The following SLIT3 variants were observed in gnomAD, a reference collection of about 807,000 sequenced individuals.
SLIT3 encodes the protein slit homolog 3 protein.
SLIT3 carries 68 observed loss-of-function variants against 184.0 expected under a neutral mutation model. The observed-to-expected ratio is 0.37, with a 90% CI of 0.30 to 0.45. The LOEUF (loss-of-function observed/expected upper bound fraction) is 0.45, where lower values mean the gene tolerates loss of function less well. SLIT3 is among the 20% of genes least tolerant of loss of function. The pLI, the probability that SLIT3 is intolerant of heterozygous loss-of-function variation, is 1.00. For missense variants in SLIT3, 1,707 were observed against 2,026.0 expected (o/e 0.84, Z 3.02); for synonymous variants, 831 against 828.6 (o/e 1.00, Z -0.05).
chr5:169,123,022 T>A (rs1282610533), intron 4 of SLIT3, among the ~76,000 whole-genome samples: 2 of 152,062 alleles, frequency 1.3e-5, no homozygotes, highest in Non-Finnish European at 2.9e-5. Flanking sequence ...CCAAAATGAT[T>A]AATGGGAAAA....
chr5:168,903,602 G>C (rs76517649), intron 4 of SLIT3, among the ~76,000 whole-genome samples: 2 of 152,114 alleles, frequency 1.3e-5, no homozygotes, highest in African/African-American at 4.8e-5. Context: ...AGTGAAGGAC[G>C]GGGGCAGCAG....
intron 9 of SLIT3, among the ~76,000 whole-genome samples, chr5:168,795,931 A>C (rs568261943): frequency 2.5e-4 from 38 of 152,326 alleles, no homozygotes; most frequent in African/African-American, 8.9e-4. Flanking sequence ...AGGGATAAAG[A>C]GAAGGAAGAG....
At chr5:169,262,735 T>A (rs1766239042) in intron 1 of SLIT3, among the ~76,000 whole-genome samples, 1 of 152,146 alleles carries the variant, frequency 6.6e-6, no homozygotes, top group South Asian at 2.1e-4. Context: ...CTCATTTAAT[T>A]CTTTCTTCTT....
At chr5:169,020,017 T>A (rs1253694899) in intron 4 of SLIT3, among the ~76,000 whole-genome samples, 1 of 152,236 alleles carries the variant, frequency 6.6e-6, no homozygotes, top group Non-Finnish European at 1.5e-5. Flanking sequence ...ATTTGGCCGC[T>A]GCCTGTTTTT....
intron 4 of SLIT3, among the ~76,000 whole-genome samples, chr5:169,001,663 G>T (rs1266166302): frequency 1.3e-5 from 2 of 152,106 alleles, no homozygotes; most frequent in Non-Finnish European, 2.9e-5. Flanking sequence ...AACCTAAGCT[G>T]GGATGAGAAC....
chr5:168,876,246 A>G (rs1308892796), intron 5 of SLIT3, among the ~76,000 whole-genome samples: 1 of 152,040 alleles, frequency 6.6e-6, no homozygotes, highest in Non-Finnish European at 1.5e-5. Flanking sequence ...ATATTTCTGA[A>G]CAACTGCACA....
intron 3 of SLIT3, among the ~76,000 whole-genome samples, chr5:169,234,789 G>C (rs1765136579): frequency 6.6e-6 from 1 of 152,174 alleles, no homozygotes; most frequent in African/African-American, 2.4e-5. Flanking sequence ...ATAATAGGTA[G>C]TCTGCAGTCA....
intron 16 of SLIT3, among the ~76,000 whole-genome samples, chr5:168,754,484 G>A (rs1427200492): frequency 6.6e-6 from 1 of 152,192 alleles, no homozygotes; most frequent in Non-Finnish European, 1.5e-5. Context: ...CAGAGGCTGG[G>A]AAGGTTTGAG....
intron 3 of SLIT3, among the ~76,000 whole-genome samples, chr5:169,207,009 A>T (rs527323523): frequency 6.7e-6 from 1 of 149,826 alleles, no homozygotes; most frequent in African/African-American, 2.5e-5. Flanking sequence ...TTCAGATTGC[A>T]TTGTCACTTC....
chr5:168,817,807 C>T (rs1757386048), intron 7 of SLIT3, among the ~76,000 whole-genome samples: 1 of 152,152 alleles, frequency 6.6e-6, no homozygotes, highest in Admixed American at 6.5e-5. Context: ...TACAAAAGGG[C>T]TATTTATTTG....
At chr5:169,031,694 G>A (rs1443363359) in intron 4 of SLIT3, among the ~76,000 whole-genome samples, 1 of 152,200 alleles carries the variant, frequency 6.6e-6, no homozygotes, top group Admixed American at 6.5e-5. Flanking sequence ...TGGGAGACGG[G>A]GTCAGGAGGA....
Position 168,762,557 on chromosome 5 carries a change from G to C in SLIT3, c.1592C>G (p.Pro531Arg). Residue 531 changes from proline (P) to arginine (R), a missense_variant, in exon 15 of 36, where the codon CCT becomes CGT. Physicochemically the swap from Pro to Arg is moderately radical, Grantham distance 103. Around this residue, in one of 3 missense-constraint regions of SLIT3, gnomAD observed 1,307 missense variants for 1,511.6 expected, o/e 0.86. Transcript: ENST00000519560. ...GACTTACAGGTCGGTGACATATTCA[G>C]GGAGGTGGCTTGGGATGCGGACCAG... ...QKLVRIPSHL[P>R]EYVTDLRLND... The C allele has an allele frequency of 2.5e-6, 4 of 1,614,014 alleles. No individual in the cohort carries two copies. Among genetic ancestry groups the C allele is most frequent in the Non-Finnish European group, 3.4e-6 (4 of 1,179,896 alleles).
At chr5:169,220,632 G>A (rs563879858) in intron 3 of SLIT3, among the ~76,000 whole-genome samples, 87 of 152,298 alleles carry the variant, frequency 5.7e-4, no homozygotes, top group African/African-American at 2.0e-3. Flanking sequence ...ACCAGAAATT[G>A]GGTAAGGCAG....
chr5:168,998,653 G>A (rs560247276), intron 4 of SLIT3, among the ~76,000 whole-genome samples: 4 of 152,136 alleles, frequency 2.6e-5, no homozygotes, highest in African/African-American at 7.2e-5. Context: ...GCAGTGAGCC[G>A]AGATCGCACC....
At chr5:169,240,574 A>ATTTTCTTTTTTTTTTTTTTTTTTTTT (rs1765365312) in intron 3 of SLIT3, among the ~76,000 whole-genome samples, 1 of 78,124 alleles carries the variant, frequency 1.3e-5, no homozygotes, top group Non-Finnish European at 2.6e-5. Context: ...TCATGCTATC[A>ATTTTCTTTTTTTTTTTTTTTTTTTTT]TTTTCTTTTT....
intron 3 of SLIT3, among the ~76,000 whole-genome samples, chr5:169,213,159 A>G (rs10070971): frequency 0.31 from 46,434 of 151,930 alleles, 8,086 homozygotes; most frequent in East Asian, 0.69. Context: ...GCATTCCTAT[A>G]CACCAATAAC....
intron 4 of SLIT3, among the ~76,000 whole-genome samples, chr5:169,001,795 G>T (rs1205663806): frequency 5.3e-5 from 8 of 152,112 alleles, no homozygotes; most frequent in Non-Finnish European, 1.2e-4. Context: ...TTAGACTCCT[G>T]GCTATAGCTC....
intron 9 of SLIT3, among the ~76,000 whole-genome samples, chr5:168,797,066 G>T (rs1472538126): frequency 2.0e-5 from 3 of 151,928 alleles, no homozygotes; most frequent in Non-Finnish European, 4.4e-5. Flanking sequence ...AGGGGGGCGG[G>T]GAGTGCACTT....
At chr5:168,948,656 T>C (rs1762560403) in intron 4 of SLIT3, among the ~76,000 whole-genome samples, 1 of 152,206 alleles carries the variant, frequency 6.6e-6, no homozygotes, top group South Asian at 2.1e-4. Flanking sequence ...TAGCAGTTGT[T>C]TGTCTCAGCA....
Sources: gnomAD v4.1 joint callset for allele counts (sites outside exome capture counted in the v4.1 genomes callset) on GRCh38, gnomAD v4.1.1 for gene constraint, gnomAD v4.1.1 regional missense constraint, MANE v1.5 for transcripts, NCBI Gene and HGNC (gene_info 2026-07-23, HGNC 2026-07-21) for gene names.